The following AGMO variants were observed in gnomAD, a reference collection of about 807,000 sequenced individuals.
The protein encoded by AGMO is alkylglycerol monooxygenase.
Under a neutral mutation model 60.2 loss-of-function variants are expected in AGMO, and 75 were observed. The ratio of observed to expected loss-of-function variants is 1.25; its 90% confidence interval spans 1.03 to 1.51. AGMO has a LOEUF of 1.51. Ranked by LOEUF, AGMO falls within the 40% of genes most tolerant of loss-of-function variation. The probability of loss-of-function intolerance (pLI) is 0.00; values close to 1 mark genes in which losing one functional copy is unlikely to be tolerated. For synonymous variants in AGMO, 261 were observed against 177.1 expected (o/e 1.47, Z -3.76); for missense variants, 763 against 525.5 (o/e 1.45, Z -4.42).
In AGMO at chr7:15,328,388, C is replaced by T. The variant is rs935888122; in HGVS notation, c.1263+37126G>A. On this transcript the variant is annotated intron_variant, in intron 12 of 12. Coordinates refer to ENST00000342526, the MANE Select transcript of AGMO (RefSeq NM_001004320.2). ...CTGGGATTACAGGCGTGAGCCACCA[C>T]GCCCAGCCTGATTTCTTAAACAATG... 8.5e-5 allele frequency among the ~76,000 whole-genome samples: 13 copies of T among 152,142 alleles called. 1 individual carries two copies. Among genetic ancestry groups the T allele is most frequent in the South Asian group, 6.2e-4 (3 of 4,828 alleles).
intron 2 of AGMO, among the ~76,000 whole-genome samples, chr7:15,545,155 T>C (rs1370578419): frequency 6.6e-6 from 1 of 152,156 alleles, no homozygotes; most frequent in Non-Finnish European, 1.5e-5. Flanking sequence ...CAGCTGTTTG[T>C]GCTCTCAATT....
chr7:15,361,610 C>A (rs1350914740), intron 12 of AGMO, among the ~76,000 whole-genome samples: 4 of 148,456 alleles, frequency 2.7e-5, no homozygotes, highest in Non-Finnish European at 6.0e-5. Context: ...ACATTCATCA[C>A]CAAATTAAAA....
intron 5 of AGMO, among the ~76,000 whole-genome samples, chr7:15,406,738 T>C (rs1209493493): frequency 2.5e-5 from 2 of 80,004 alleles, no homozygotes; most frequent in Non-Finnish European, 5.0e-5. Flanking sequence ...CACACATACA[T>C]ATGAATATAC....
the AGMO span, among the ~76,000 whole-genome samples, chr7:15,167,900 A>T: frequency 1.3e-5 from 2 of 152,240 alleles, no homozygotes; most frequent in Non-Finnish European, 1.5e-5. Context: ...AGACATCATC[A>T]TTCATGGCAG....
chr7:15,199,357 T>G (rs1211828037), downstream of AGMO, among the ~76,000 whole-genome samples: 1 of 152,204 alleles, frequency 6.6e-6, no homozygotes, highest in East Asian at 1.9e-4. Flanking sequence ...CAAAGAAAAC[T>G]GAACTTCACC....
chr7:15,243,470 G>C (rs1782654559), intron 12 of AGMO, among the ~76,000 whole-genome samples: 1 of 152,022 alleles, frequency 6.6e-6, no homozygotes, highest in Admixed American at 6.6e-5. Context: ...GGAATTGGAA[G>C]AATCTCTGTT....
the AGMO span, among the ~76,000 whole-genome samples, chr7:15,162,745 T>C: frequency 6.6e-6 from 1 of 152,112 alleles, no homozygotes; most frequent in South Asian, 2.1e-4. Context: ...ACTATCTCTT[T>C]CTCTGTTACT....
the AGMO span, among the ~76,000 whole-genome samples, chr7:15,123,056 G>A: frequency 1.3e-5 from 2 of 151,844 alleles, no homozygotes; most frequent in Non-Finnish European, 1.5e-5. Flanking sequence ...CCTCCTTACC[G>A]TTTTTAGAGC....
rs138778672 is a variant in AGMO, at chr7:15,282,622, T to C, written c.1264-81263A>G. 2.7e-3 allele frequency among the ~76,000 whole-genome samples: 409 copies of C among 152,292 alleles called. 1 individual carries two copies. Among genetic ancestry groups the C allele is most frequent in the African/African-American group, 9.3e-3 (388 of 41,580 alleles). ...TAAAAATAACTGGTGTTCCAAATAA[T>C]TGGTGAGGGAGAAGAGAAAGCAAAA... On this transcript the variant is annotated intron_variant, in intron 12 of 12. Coordinates refer to ENST00000342526, the MANE Select transcript of AGMO (RefSeq NM_001004320.2).
chr7:15,289,624 T>C (rs1784199206), intron 12 of AGMO, among the ~76,000 whole-genome samples: 1 of 152,000 alleles, frequency 6.6e-6, no homozygotes, highest in African/African-American at 2.4e-5. Context: ...TAATAGATAT[T>C]ATAAGTTTAT....
chr7:15,494,327 C>T (rs1783163336), intron 3 of AGMO, among the ~76,000 whole-genome samples: 1 of 152,184 alleles, frequency 6.6e-6, no homozygotes, highest in Non-Finnish European at 1.5e-5. Context: ...AACTGAATTT[C>T]ATACCAGATC....
At chr7:15,374,867 C>T (rs1256579377) in intron 10 of AGMO, among the ~76,000 whole-genome samples, 1 of 151,976 alleles carries the variant, frequency 6.6e-6, no homozygotes, top group East Asian at 1.9e-4. Flanking sequence ...GCATAGAGAA[C>T]CCTAAAAATT....
At position 15,380,711 on chromosome 7, in the gene AGMO, C is replaced by A. The variant is rs192914401; in HGVS notation, c.1074+4735G>T. Among the ~76,000 whole-genome samples the A allele has an allele frequency of 2.0e-4, 31 of 152,192 alleles. No individual in the cohort carries two copies. In the East Asian group the frequency reaches 5.6e-3, roughly 27 times the overall value. ...AATGCACATGGAACCAATAAAAGAG[C>A]CCGAACAGCCCAGACAATCCTAAGT... is the stretch of plus-strand genomic sequence containing the variant. On this transcript the variant is annotated intron_variant, in intron 10 of 12. Coordinates refer to ENST00000342526, the MANE Select transcript of AGMO (RefSeq NM_001004320.2).
At chr7:15,157,063 A>G in the AGMO span, among the ~76,000 whole-genome samples, 4 of 152,180 alleles carry the variant, frequency 2.6e-5, no homozygotes, top group Non-Finnish European at 4.4e-5. Context: ...TATTTCTACA[A>G]TTATATCACA....
chr7:15,141,450 G>A, the AGMO span, among the ~76,000 whole-genome samples: 1 of 152,030 alleles, frequency 6.6e-6, no homozygotes, highest in African/African-American at 2.4e-5. Context: ...GAGTGTGGTG[G>A]CGGGCGCCTG....
intron 5 of AGMO, among the ~76,000 whole-genome samples, chr7:15,415,981 A>G (rs542991504): frequency 6.6e-6 from 1 of 152,100 alleles, no homozygotes; most frequent in African/African-American, 2.4e-5. Flanking sequence ...TTTCAAAAAA[A>G]GAGGATGACA....
At chr7:15,242,092 T>C (rs1378685944) in intron 12 of AGMO, among the ~76,000 whole-genome samples, 2 of 152,138 alleles carry the variant, frequency 1.3e-5, no homozygotes, top group South Asian at 2.1e-4. Context: ...AGAGTATAAT[T>C]AAATTTTTCC....
At chr7:15,427,711 G>A (rs1452069465) in intron 4 of AGMO, among the ~76,000 whole-genome samples, 1 of 125,488 alleles carries the variant, frequency 8.0e-6, no homozygotes, top group Admixed American at 8.0e-5. Context: ...TAGCAAATTG[G>A]ATAGAGTATT....
At chr7:15,122,557 G>A in the AGMO span, among the ~76,000 whole-genome samples, 1 of 151,946 alleles carries the variant, frequency 6.6e-6, no homozygotes, top group Admixed American at 6.6e-5. Context: ...CTCCTAATCT[G>A]CTCACCCTCT....
Sources: allele counts gnomAD v4.1 joint callset (sites outside exome capture counted in the v4.1 genomes callset), GRCh38; gene constraint gnomAD v4.1.1; transcripts MANE v1.5; gene names NCBI Gene and HGNC (gene_info 2026-07-23, HGNC 2026-07-21).